The following ZNF101 variants were observed in gnomAD, a reference collection of about 807,000 sequenced individuals.
ZNF101 encodes zinc finger protein 101.
ZNF101 carries 34 observed loss-of-function variants against 42.6 expected under a neutral mutation model. The ratio of observed to expected loss-of-function variants is 0.80; its 90% CI spans 0.61 to 1.06. ZNF101 has a LOEUF of 1.06. ZNF101 is among the 50% of genes least tolerant of loss of function. ZNF101 has a pLI of 0.00. For missense variants in ZNF101, 466 were observed against 530.9 expected, an observed-to-expected ratio of 0.88 and a Z score of 1.20; for synonymous variants, 158 against 183.9, an observed-to-expected ratio of 0.86 and a Z score of 1.14.
At chr19:19,668,838 C>A (rs966123142), upstream of ZNF101, 14 of 1,258,314 alleles carry the variant, frequency 1.1e-5, no homozygotes, top group Non-Finnish European at 4.3e-6. Flanking sequence ...GCCGGCCCCC[C>A]ATTCGGGTCC....
At position 19,668,844 on chromosome 19, in the gene ZNF101, G is replaced by A. The variant is rs2062150055; in HGVS notation, c.-120G>A. On this transcript the variant is annotated 5_prime_UTR_variant, in exon 1 of 4. Coordinates refer to ENST00000592502, the MANE Select transcript of ZNF101 (RefSeq NM_033204.4). ...TCATTTCCCGCCGGCCCCCCATTCG[G>A]GTCCGGGTTTTAGTTCCTCGGGGAG... 9 of 1,327,882 alleles carry A rather than the reference G, an allele frequency of 6.8e-6. No homozygotes were observed. The South Asian group carries it at 1.2e-4, about 17-fold the overall frequency. 82.3% of individuals were successfully genotyped at this position (1,327,882 alleles called of 1,614,324 possible).
chr19:19,668,696 C>T, upstream of ZNF101: 1 of 470,512 alleles, frequency 2.1e-6, no homozygotes, highest in Non-Finnish European at 3.8e-6. Flanking sequence ...TTCCGATCAC[C>T]TCTCCTGTCG....
In ZNF101 at chr19:19,679,966, A is replaced by G; in HGVS notation, c.977A>G (p.Gln326Arg). 6.2e-7 allele frequency: 1 copy of G among 1,614,030 alleles called. No individual in the cohort carries two copies. The highest frequency in any genetic ancestry group is 8.5e-7 in the Non-Finnish European group (1 of 1,179,980). The change falls in exon 4 of 4, where the codon CAA (glutamine) becomes CGA (arginine). Residue 326 changes from glutamine (Q) to arginine (R), a missense_variant. Transcript: ENST00000592502. ...GTCTTTAGATGTCCCACGTCCCTTC[A>G]AGCACATGAAAGAGCTCACACTGGA... Reference protein sequence around the residue: ...AKVFRCPTSLQAHERAHTGER... With the variant: ...AKVFRCPTSLRAHERAHTGER...
In ZNF101 at chr19:19,681,230, C is replaced by T. The variant is rs1257913285; in HGVS notation, c.*930C>T. 6.6e-6 allele frequency: 1 copy of T among 152,160 alleles called. No homozygotes were observed. The highest frequency in any genetic ancestry group is 1.9e-4 in the East Asian group (1 of 5,190). The allele number at this position is 152,160 out of a possible 1,614,324, so 9.4% of individuals were successfully genotyped here. On this transcript the variant is annotated 3_prime_UTR_variant, in exon 4 of 4. Transcript: ENST00000592502. ...ATGAAAAGACTAACTGGAAAAAAAT[C>T]CAAAGACCTCAGATATTCCAGTTCT...
At chr19:19,672,073 G>GTGTATA (rs1555754924) in intron 1 of ZNF101, 23 of 143,132 alleles carry the variant, frequency 1.6e-4, no homozygotes, top group African/African-American at 5.9e-4. Flanking sequence ...ATGTGTGTGT[G>GTGTATA]TATATATATA....
intron 1 of ZNF101, among the ~76,000 whole-genome samples, chr19:19,671,721 G>C (rs1490044782): frequency 6.6e-6 from 1 of 152,006 alleles, no homozygotes; most frequent in Non-Finnish European, 1.5e-5. Flanking sequence ...GGATGGTCTC[G>C]ATCTCCTGAC....
Position 19,680,100 on chromosome 19 carries a change from T to C in ZNF101, c.1111T>C (p.Cys371Arg). The C allele has an allele frequency of 6.2e-7, 1 of 1,614,144 alleles. No homozygotes were observed. The highest frequency in any genetic ancestry group is 8.5e-7 in the Non-Finnish European group (1 of 1,180,026). Residue 371 changes from cysteine to arginine, a missense_variant, in exon 4 of 4, where the codon TGT (cysteine) becomes CGT (arginine). Physicochemically the swap from Cys to Arg is radical, Grantham distance 180. Coordinates refer to ENST00000592502, the MANE Select transcript of ZNF101 (RefSeq NM_033204.4). ...AGAAAAGCCATATGAATGTACAAGGTGTGGTAAAGCCTTTGGGTGGTGCAG... is the reference window on the plus strand; with the variant it reads ...AGAAAAGCCATATGAATGTACAAGGCGTGGTAAAGCCTTTGGGTGGTGCAG... The part of the protein sequence containing the change: ...SGEKPYECTR[C>R]GKAFGWCSSL...
rs2062224975 is a variant in ZNF101 at position 19,679,585 on chromosome 19, G to A, written c.596G>A (p.Cys199Tyr). 2 of 1,613,908 alleles carry A rather than the reference G, an allele frequency of 1.2e-6. No individual in the cohort carries two copies. Among genetic ancestry groups the A allele is most frequent in the South Asian group, 1.1e-5 (1 of 91,060 alleles). ...CACACTGGAAAGAGGTCCTATAAATGTAGGGAAATAGTGAGAGCCTTCACA... is the reference window on the plus strand; with the variant it reads ...CACACTGGAAAGAGGTCCTATAAATATAGGGAAATAGTGAGAGCCTTCACA... ...RTHTGKRSYK[C>Y]REIVRAFTVS... is the part of the protein sequence containing the mutation. The change falls in exon 4 of 4, where the codon TGT becomes TAT. Residue 199 changes from cysteine (C) to tyrosine (Y), a missense_variant. Cys to Tyr is a radical substitution (Grantham distance 194, BLOSUM62 -2). Transcript: ENST00000592502.
At chr19:19,674,466 G>C (rs1055734850) in intron 1 of ZNF101, among the ~76,000 whole-genome samples, 1 of 152,140 alleles carries the variant, frequency 6.6e-6, no homozygotes, top group Non-Finnish European at 1.5e-5. Context: ...GTGAGCCACC[G>C]CACCCAGCCC....
chr19:19,668,860 CCTCGGGGAGCCCCTGGTG>C lies in ZNF101; in HGVS notation c.-102_-85del. ...CCCCATTCGGGTCCGGGTTTTAGTT[CCTCGGGGAGCCCCTGGTG>C]CCCCGGATACGGCTGATTTTGTCGT... On this transcript the variant is annotated 5_prime_UTR_variant, in exon 1 of 4. Transcript: ENST00000592502. 1 of 1,428,218 alleles carries C rather than the reference CCTCGGGGAGCCCCTGGTG, an allele frequency of 7.0e-7. No individual in the cohort carries two copies. Among genetic ancestry groups the C allele is most frequent in the Non-Finnish European group, 9.4e-7 (1 of 1,066,038 alleles). The allele number at this position is 1,428,218 out of a possible 1,614,324, so 88.5% of individuals were successfully genotyped here. A position where few individuals can be genotyped will look rare whatever the true frequency, so the allele number is the denominator to read the frequency against.
At chr19:19,676,514 A>G (rs2062203787) in intron 1 of ZNF101, 1 of 152,158 alleles carries the variant, frequency 6.6e-6, no homozygotes, top group Non-Finnish European at 1.5e-5. Flanking sequence ...CTTTGGTGTT[A>G]GGTAAGCCAT....
chr19:19,679,549 A>G lies in ZNF101; in HGVS notation c.560A>G (p.His187Arg), dbSNP rs2062224617. The stretch of plus-strand genomic sequence containing the variant: ...AATTCTCCCAATTTATTTCAAATCC[A>G]TCAAAGAACTCACACTGGAAAGAGG... ...AFNSPNLFQIHQRTHTGKRSY... is the reference protein window; with the variant it reads ...AFNSPNLFQIRQRTHTGKRSY... Residue 187 changes from histidine (H) to arginine (R), a missense_variant, in exon 4 of 4, where the codon CAT becomes CGT. By Grantham distance (29) the His-to-Arg change is conservative. Transcript: ENST00000592502. 6.2e-7 allele frequency: 1 copy of G among 1,614,184 alleles called. No individual in the cohort carries two copies. The highest frequency in any genetic ancestry group is 8.5e-7 in the Non-Finnish European group (1 of 1,180,030).
intron 1 of ZNF101, among the ~76,000 whole-genome samples, chr19:19,674,514 G>A (rs903007488): frequency 1.6e-4 from 25 of 152,210 alleles, no homozygotes; most frequent in African/African-American, 4.6e-4. Context: ...TGCATTTTGC[G>A]GATAAATCTC....
At chr19:19,674,435 C>G (rs548170381) in intron 1 of ZNF101, among the ~76,000 whole-genome samples, 1 of 152,196 alleles carries the variant, frequency 6.6e-6, no homozygotes, top group Non-Finnish European at 1.5e-5. Flanking sequence ...CTCGACCTCC[C>G]GAAGTGCTGG....
intron 1 of ZNF101, among the ~76,000 whole-genome samples, chr19:19,672,588 C>T (rs1177313551): frequency 1.3e-5 from 2 of 151,800 alleles, no homozygotes; most frequent in Non-Finnish European, 2.9e-5. Context: ...TGCGGTGGCA[C>T]GATCTCAGCT....
chr19:19,668,798 C>T, upstream of ZNF101: 2 of 849,832 alleles, frequency 2.4e-6, no homozygotes, highest in South Asian at 4.1e-5. Context: ...GGAGGGGCAA[C>T]TTCCAAAGCC....
intron 1 of ZNF101, among the ~76,000 whole-genome samples, chr19:19,669,202 C>G (rs1422510017): frequency 1.3e-5 from 2 of 152,242 alleles, no homozygotes; most frequent in East Asian, 3.9e-4. Flanking sequence ...CGCAGCCCCG[C>G]GTCTCCCCAG....
chr19:19,678,084 C>A (rs1293820616), intron 2 of ZNF101, 94 bp downstream of exon 2: 3 of 1,541,976 alleles, frequency 1.9e-6, no homozygotes, highest in Admixed American at 3.6e-5. Context: ...AAAGAGAATA[C>A]GTTGGTGAAT....
At chr19:19,669,980 C>A (rs1177075245) in intron 1 of ZNF101, among the ~76,000 whole-genome samples, 1 of 152,026 alleles carries the variant, frequency 6.6e-6, no homozygotes, top group Non-Finnish European at 1.5e-5. Flanking sequence ...ATCAGACAGT[C>A]TTTGGGTGGA....
Sources: gnomAD v4.1 joint callset for allele counts (sites outside exome capture counted in the v4.1 genomes callset) on GRCh38, gnomAD v4.1.1 for gene constraint, MANE v1.5 for transcripts, NCBI Gene and HGNC (gene_info 2026-07-23, HGNC 2026-07-21) for gene names.